Variants in SECISBP2L observed in about 807,000 individuals in gnomAD.
The protein encoded by SECISBP2L is SECIS binding protein 2 like.
A neutral mutation model predicts 114.7 loss-of-function variants in SECISBP2L; 43 were observed. The ratio of observed to expected loss-of-function variants is 0.38; its 90% CI spans 0.29 to 0.48. The LOEUF (loss-of-function observed/expected upper bound fraction) is 0.48, where lower values mean the gene tolerates loss of function less well. SECISBP2L is among the 20% of genes least tolerant of loss of function. The pLI is 0.98. For missense variants in SECISBP2L, 1,136 were observed against 1,301.1 expected (o/e 0.87, Z 1.95); for synonymous variants, 451 against 439.7 (o/e 1.03, Z -0.32).
At chr15:49,017,083 C>T (rs1902552300) in intron 9 of SECISBP2L, 68 bp from the exon 10 acceptor site, 2 of 1,507,866 alleles carry the variant, frequency 1.3e-6, no homozygotes, top group Non-Finnish European at 9.0e-7. Context: ...AAAAAGGATC[C>T]AGAATGTGGG....
intron 4 of SECISBP2L, among the ~76,000 whole-genome samples, chr15:49,031,040 T>TC (rs1163502924): frequency 6.7e-5 from 8 of 119,196 alleles, no homozygotes; most frequent in Non-Finnish European, 1.2e-4. Flanking sequence ...TCATTTTCTT[T>TC]TTTTTTTTTT....
Position 48,992,336 on chromosome 15 carries a change from G to T in SECISBP2L, c.3214C>A (p.Gln1072Lys), listed in dbSNP as rs770544992. ...GMDSEAWTAD[Q>K]QASPGQQKSS... The stretch of plus-strand genomic sequence containing the variant: ...TTCTGCTGCCCAGGACTGGCCTGCT[G>T]GTCAGCAGTCCATGCCTCACTGTCC... The change falls in exon 18 of 18, where the codon CAG becomes AAG. Residue 1072 changes from glutamine (Q) to lysine (K), a missense_variant. Gln to Lys is a moderately conservative substitution (Grantham distance 53). Transcript: ENST00000559471. 1.9e-6 allele frequency: 3 copies of T among 1,614,134 alleles called. No individual in the cohort carries two copies. The highest frequency in any genetic ancestry group is 4.5e-5 in the East Asian group (2 of 44,862).
rs964892543 is a variant in SECISBP2L at position 48,990,376 on chromosome 15, G to A, written c.*1868C>T. On this transcript the variant is annotated 3_prime_UTR_variant, in exon 18 of 18. Transcript: ENST00000559471. ...CAACGAACACTTCCAAATGTGTAGAGACAGTAAGATCTGCCATGTATAAAT... is the reference window on the plus strand; with the variant it reads ...CAACGAACACTTCCAAATGTGTAGAAACAGTAAGATCTGCCATGTATAAAT... The A allele has an allele frequency of 3.3e-5, 5 of 152,310 alleles. No individual in the cohort carries two copies. The highest frequency in any genetic ancestry group is 1.2e-4 in the African/African-American group (5 of 41,404). The allele number at this position is 152,310 out of a possible 1,614,324, so 9.4% of individuals were successfully genotyped here. A position where few individuals can be genotyped will look rare whatever the true frequency, so the allele number is the denominator to read the frequency against.
Position 48,999,865 on chromosome 15 carries a change from C to G in SECISBP2L, c.2371G>C (p.Val791Leu). The change falls in exon 16 of 18, where the codon GTA becomes CTA. Residue 791 changes from valine (V) to leucine (L), a missense_variant. Transcript: ENST00000559471. The stretch of plus-strand genomic sequence containing the variant: ...CCAAAGTAGTTGAAGATTCCCACTA[C>G]GCTAACAGGAACCAGCTTGTTCACA... The part of the protein sequence containing the change: ...RCVNKLVPVS[V>L]VGIFNYFGAE... 6.2e-7 allele frequency: 1 copy of G among 1,613,954 alleles called. No individual in the cohort carries two copies. Among genetic ancestry groups the G allele is most frequent in the Non-Finnish European group, 8.5e-7 (1 of 1,179,898 alleles).
At chr15:49,036,251 C>T (rs191038245) in intron 2 of SECISBP2L, among the ~76,000 whole-genome samples, 1 of 152,276 alleles carries the variant, frequency 6.6e-6, no homozygotes, top group African/African-American at 2.4e-5. Context: ...CAAATCTGTC[C>T]ACTGACATCT....
chr15:49,006,565 A>G (rs542420481), intron 14 of SECISBP2L, among the ~76,000 whole-genome samples: 1 of 152,126 alleles, frequency 6.6e-6, no homozygotes, highest in South Asian at 2.1e-4. Flanking sequence ...TGTATGCTTC[A>G]GGAAGTTCTC....
At chr15:49,025,759 A>G (rs892832288) in intron 7 of SECISBP2L, among the ~76,000 whole-genome samples, 5 of 152,208 alleles carry the variant, frequency 3.3e-5, no homozygotes, top group Admixed American at 2.6e-4. Flanking sequence ...TGCAGAGAAA[A>G]GGAAACTCGT....
At position 48,992,130 on chromosome 15, in the gene SECISBP2L, G is replaced by T; in HGVS notation, c.*114C>A. On this transcript the variant is annotated 3_prime_UTR_variant, in exon 18 of 18. Coordinates refer to ENST00000559471, the MANE Select transcript of SECISBP2L (RefSeq NM_001193489.2). ...AGTAAAAGCTACAAAAATATTTGTT[G>T]GGAATTAAATACGTATATTAAATAC... 2.1e-6 allele frequency: 2 copies of T among 950,658 alleles called. No individual in the cohort carries two copies. The highest frequency in any genetic ancestry group is 3.1e-6 in the Non-Finnish European group (2 of 648,560). The allele number at this position is 950,658 out of a possible 1,614,324, so 58.9% of individuals were successfully genotyped here.
intron 4 of SECISBP2L, among the ~76,000 whole-genome samples, chr15:49,030,532 C>T (rs1281926266): frequency 6.6e-6 from 1 of 152,184 alleles, no homozygotes; most frequent in Admixed American, 6.5e-5. Context: ...TTATATATCT[C>T]ATGCTAATCC....
At chr15:48,992,980 C>A (rs1470076002) in intron 17 of SECISBP2L, 54 bp from the exon 18 acceptor site, 1 of 1,447,848 alleles carries the variant, frequency 6.9e-7, no homozygotes, top group Non-Finnish European at 9.4e-7. Context: ...CAAAATCATG[C>A]AACTCTTTAA....
intron 17 of SECISBP2L, chr15:48,995,797 T>G (rs1902073387): frequency 6.6e-6 from 1 of 152,396 alleles, no homozygotes; most frequent in Admixed American, 6.5e-5. Flanking sequence ...ACAATCAGAC[T>G]ACTTAAGGCA....
At chr15:49,038,293 CAGTT>C (rs1209509096) in intron 1 of SECISBP2L, among the ~76,000 whole-genome samples, 1 of 152,008 alleles carries the variant, frequency 6.6e-6, no homozygotes, top group Non-Finnish European at 1.5e-5. Flanking sequence ...AAAATCTGCA[CAGTT>C]AAACTGGGGA....
chr15:49,035,810 A>G, intron 2 of SECISBP2L, 152 bp from the exon 3 acceptor site: 1 of 702,660 alleles, frequency 1.4e-6, no homozygotes, highest in Non-Finnish European at 2.3e-6. Flanking sequence ...ATCATCTTAT[A>G]AATTTCTTTG....
intron 14 of SECISBP2L, among the ~76,000 whole-genome samples, chr15:49,006,882 T>C (rs1902334657): frequency 6.6e-6 from 1 of 152,128 alleles, no homozygotes; most frequent in Non-Finnish European, 1.5e-5. Context: ...GTATTCTGGT[T>C]TTTGCAATTT....
intron 13 of SECISBP2L, among the ~76,000 whole-genome samples, chr15:49,010,493 G>C (rs1902415851): frequency 6.6e-6 from 1 of 151,912 alleles, no homozygotes; most frequent in Admixed American, 6.6e-5. Flanking sequence ...AGCTACACAT[G>C]GTGTTTTTTT....
At chr15:49,038,716 A>T (rs1903062733) in intron 1 of SECISBP2L, among the ~76,000 whole-genome samples, 1 of 152,162 alleles carries the variant, frequency 6.6e-6, no homozygotes, top group Non-Finnish European at 1.5e-5. Context: ...ATTTTAAATT[A>T]TTTTTTGAAA....
In SECISBP2L at chr15:49,021,718, C is replaced by T. The variant is rs138651671; in HGVS notation, c.1036-2166G>A. Among the ~76,000 whole-genome samples the T allele has an allele frequency of 6.2e-4, 94 of 152,220 alleles. 1 individual carries two copies. The highest frequency in any genetic ancestry group is 1.6e-4 in the Non-Finnish European group (11 of 68,014). ...TAAAACAATTTCCTTTAAAAACAAA[C>T]GCAACCTGATTCTTACACTTCGAGA... is the stretch of plus-strand genomic sequence containing the variant. On this transcript the variant is annotated intron_variant, in intron 7 of 17. Coordinates refer to ENST00000559471, the MANE Select transcript of SECISBP2L (RefSeq NM_001193489.2).
intron 1 of SECISBP2L, among the ~76,000 whole-genome samples, chr15:49,040,661 G>A (rs1266917654): frequency 2.8e-5 from 4 of 141,588 alleles, no homozygotes; most frequent in African/African-American, 1.0e-4. Flanking sequence ...TCAGCCTCCC[G>A]AGTAGCTGGG....
At chr15:49,042,933 CAGG>C (rs1903171017) in intron 1 of SECISBP2L, among the ~76,000 whole-genome samples, 1 of 152,128 alleles carries the variant, frequency 6.6e-6, no homozygotes, top group Non-Finnish European at 1.5e-5. Flanking sequence ...GAGGCTGAGG[CAGG>C]AGAACTGCTT....
Sources: gnomAD v4.1 joint callset for allele counts (sites outside exome capture counted in the v4.1 genomes callset) on GRCh38, gnomAD v4.1.1 for gene constraint, MANE v1.5 for transcripts, NCBI Gene and HGNC (gene_info 2026-07-23, HGNC 2026-07-21) for gene names.